Variants in SERPINE2 observed in about 807,000 individuals in gnomAD.
The protein encoded by SERPINE2 is glia-derived nexin.
In SERPINE2, 14 loss-of-function variants were observed where a neutral mutation model predicts 36.3. That is an observed-to-expected ratio of 0.39 (90% confidence interval 0.25 to 0.60). The LOEUF (loss-of-function observed/expected upper bound fraction) is 0.60. Among genes scored for constraint, SERPINE2 ranks in the 20% least tolerant of loss-of-function variants. The probability of loss-of-function intolerance (pLI) is 0.57; values close to 1 mark genes in which losing one functional copy is unlikely to be tolerated. For synonymous variants in SERPINE2, 192 were observed against 191.8 expected, an observed-to-expected ratio of 1.00 and a Z score of -0.01; for missense variants, 418 against 499.6, an observed-to-expected ratio of 0.84 and a Z score of 1.56.
intron 1 of SERPINE2, among the ~76,000 whole-genome samples, chr2:224,025,365 A>G (rs1246197050): frequency 6.6e-6 from 1 of 152,208 alleles, no homozygotes; most frequent in Non-Finnish European, 1.5e-5. Context: ...CCACATTGCA[A>G]GAGTGAGGCT....
At chr2:223,987,362 C>T (rs1288038173) in intron 4 of SERPINE2, among the ~76,000 whole-genome samples, 1 of 152,064 alleles carries the variant, frequency 6.6e-6, no homozygotes, top group African/African-American at 2.4e-5. Context: ...TATTACGTAG[C>T]TGATAAAAGC....
chr2:224,006,769 T>C (rs1052193326), intron 1 of SERPINE2, among the ~76,000 whole-genome samples: 3 of 152,214 alleles, frequency 2.0e-5, no homozygotes, highest in Non-Finnish European at 4.4e-5. Flanking sequence ...TCAAAAAATG[T>C]CACAAGTCTA....
chr2:224,038,398 T>C (rs370424914), intron 1 of SERPINE2: 105 of 1,060,182 alleles, frequency 9.9e-5, no homozygotes, highest in African/African-American at 1.6e-4. Context: ...TGCTGTCTTA[T>C]GTAATAGAAG....
intron 1 of SERPINE2, among the ~76,000 whole-genome samples, chr2:224,025,038 TA>T (rs1429118159): frequency 1.3e-5 from 2 of 152,124 alleles, no homozygotes; most frequent in African/African-American, 4.8e-5. Flanking sequence ...GAAACTTTCA[TA>T]AAGCCCCTAC....
At chr2:223,998,379 T>C (rs991670330) in intron 2 of SERPINE2, 37 bp from the exon 3 acceptor site, 1 of 1,514,226 alleles carries the variant, frequency 6.6e-7, no homozygotes, top group Non-Finnish European at 9.1e-7. Context: ...AATACTTCCA[T>C]AAGAATCTAG....
intron 1 of SERPINE2, among the ~76,000 whole-genome samples, chr2:224,018,420 G>C (rs1691872325): frequency 6.6e-6 from 1 of 152,070 alleles, no homozygotes; most frequent in South Asian, 2.1e-4. Context: ...GTTTTGTTTA[G>C]ATGGATGAAA....
At chr2:224,004,245 C>A (rs929701840) in intron 1 of SERPINE2, among the ~76,000 whole-genome samples, 51 of 152,206 alleles carry the variant, frequency 3.4e-4, no homozygotes, top group African/African-American at 1.2e-3. Flanking sequence ...GGACTGTGGG[C>A]ACACGCAGAA....
chr2:224,021,719 T>C (rs1454259914), intron 1 of SERPINE2, among the ~76,000 whole-genome samples: 2 of 152,094 alleles, frequency 1.3e-5, no homozygotes, highest in African/African-American at 4.8e-5. Flanking sequence ...AACCAAAGAA[T>C]TAAAAGTATC....
chr2:224,010,946 CCTTA>C (rs1385398123), intron 1 of SERPINE2, among the ~76,000 whole-genome samples: 2 of 152,174 alleles, frequency 1.3e-5, no homozygotes, highest in Non-Finnish European at 2.9e-5. Context: ...TTTATAACTT[CCTTA>C]GACTATTTAA....
intron 1 of SERPINE2, among the ~76,000 whole-genome samples, chr2:224,035,622 G>T (rs13014110): frequency 0.3 from 46,317 of 152,118 alleles, 7,286 homozygotes; most frequent in Non-Finnish European, 0.34. Context: ...GCCTGGTTCA[G>T]CCTCCCACAG....
At position 224,038,816 on chromosome 2, in the gene SERPINE2, C is replaced by A. The variant is rs564661314; in HGVS notation, c.-23+283G>T. The A allele has an allele frequency of 2.9e-3, 1,122 of 384,366 alleles. 10 individuals are homozygous for A. The highest frequency in any genetic ancestry group is 0.022 in the African/African-American group (1,055 of 47,604). The allele number at this position is 384,366 out of a possible 1,614,324, so 23.8% of individuals were successfully genotyped here. On this transcript the variant is annotated intron_variant, in intron 1 of 8. Transcript: ENST00000409304. ...CTGCGGGTATCACTGGACGCCACCC[C>A]GGGGCGGCCCCGCCTTGCCCTGCCC...
At chr2:224,037,415 T>C (rs1692570606) in intron 1 of SERPINE2, among the ~76,000 whole-genome samples, 1 of 152,100 alleles carries the variant, frequency 6.6e-6, no homozygotes, top group Admixed American at 6.5e-5. Context: ...TTTTCAGAAG[T>C]TGAGCATCTC....
At position 224,001,860 on chromosome 2, in the gene SERPINE2, G is replaced by A. The variant is rs373891026; in HGVS notation, c.41C>T (p.Thr14Met). 2.2e-5 allele frequency: 36 copies of A among 1,613,964 alleles called. No homozygotes were observed. Among genetic ancestry groups the A allele is most frequent in the South Asian group, 1.5e-4 (14 of 91,084 alleles). The change falls in exon 2 of 9, where the codon ACG becomes ATG. Residue 14 changes from threonine (T) to methionine (M), a missense_variant. Physicochemically the swap from Thr to Met is moderately conservative, Grantham distance 81. Coordinates refer to ENST00000409304, the MANE Select transcript of SERPINE2 (RefSeq NM_001136528.2). ...HLPLFLLASV[T>M]LPSICSHFNP... ...GAAGTGGGAGCAGATGGAAGGCAGC[G>A]TCACAGAGGCCAAGAGGAAGAGGGG...
intron 1 of SERPINE2, chr2:224,038,834 C>T (rs1692615098): frequency 3.1e-6 from 1 of 318,658 alleles, no homozygotes; most frequent in Non-Finnish European, 5.7e-6. Context: ...CCCCGCCTTG[C>T]CCTGCCCGGG....
chr2:224,007,724 GTTGT>G (rs367616904), intron 1 of SERPINE2, among the ~76,000 whole-genome samples: 34 of 152,052 alleles, frequency 2.2e-4, no homozygotes, highest in African/African-American at 5.1e-4. Flanking sequence ...TGTTTTTTTG[GTTGT>G]TTGTTTGTTT....
chr2:224,030,337 C>T, intron 1 of SERPINE2: 1 of 520,268 alleles, frequency 1.9e-6, no homozygotes, highest in Non-Finnish European at 2.5e-6. Context: ...GCCAAAGACA[C>T]GAGGAAGACA....
intron 1 of SERPINE2, among the ~76,000 whole-genome samples, chr2:224,037,811 T>C (rs1353584105): frequency 6.6e-6 from 1 of 152,254 alleles, no homozygotes; most frequent in Non-Finnish European, 1.5e-5. Flanking sequence ...TAGATTCATT[T>C]TTGTTTTTAG....
intron 1 of SERPINE2, among the ~76,000 whole-genome samples, chr2:224,037,425 CAA>C (rs1692571226): frequency 1.3e-5 from 2 of 152,164 alleles, no homozygotes; most frequent in African/African-American, 2.4e-5. Flanking sequence ...TTGAGCATCT[CAA>C]GAGAGGGCAA....
Position 223,991,891 on chromosome 2 carries a change from G to C in SERPINE2, c.597C>G (p.Pro199=), listed in dbSNP as rs61740040. Residue 199 remains proline, a synonymous_variant, in exon 4 of 9, where the codon CCC becomes CCG. Coordinates refer to ENST00000409304, the MANE Select transcript of SERPINE2 (RefSeq NM_001136528.2). ...CGAAAGTGCGTTTCTTTGTGTTCTC[G>C]GGTTGGAACCGTGATTTCCACAGAC... ...FKGLWKSRFQ[P]ENTKKRTFVA... The C allele has an allele frequency of 3.1e-6, 5 of 1,612,968 alleles. No homozygotes were observed. Among genetic ancestry groups the C allele is most frequent in the South Asian group, 1.1e-5 (1 of 90,924 alleles).
Sources: gnomAD v4.1 joint callset for allele counts (sites outside exome capture counted in the v4.1 genomes callset) on GRCh38, gnomAD v4.1.1 for gene constraint, MANE v1.5 for transcripts, NCBI Gene and HGNC (gene_info 2026-07-23, HGNC 2026-07-21) for gene names.